The following OR6N1 variants were observed in gnomAD, a reference collection of about 807,000 sequenced individuals.
OR6N1 encodes the protein olfactory receptor family 6 subfamily N member 1.
For missense variants in OR6N1, 394 were observed against 371.7 expected, an observed-to-expected ratio of 1.06 and a Z score of -0.49; for synonymous variants, 170 against 150.7, an observed-to-expected ratio of 1.13 and a Z score of -0.94.
At chr1:158,789,435 T>C in the OR6N1 span, among the ~76,000 whole-genome samples, 1 of 152,210 alleles carries the variant, frequency 6.6e-6, no homozygotes, top group Non-Finnish European at 1.5e-5. Flanking sequence ...CCAAAGTGGC[T>C]GTACTAATTT....
chr1:158,834,231 AT>A, the OR6N1 span, among the ~76,000 whole-genome samples: 256 of 130,228 alleles, frequency 2.0e-3, no homozygotes, highest in African/African-American at 4.4e-3. Flanking sequence ...TCCTTTATCA[AT>A]TTTTTTTTTT....
At chr1:158,823,500 G>A in the OR6N1 span, among the ~76,000 whole-genome samples, 1 of 152,064 alleles carries the variant, frequency 6.6e-6, no homozygotes, top group East Asian at 1.9e-4. Context: ...TGTGCATAAG[G>A]CTGTTCATAG....
the OR6N1 span, among the ~76,000 whole-genome samples, chr1:158,806,847 T>G: frequency 6.6e-6 from 1 of 151,836 alleles, no homozygotes; most frequent in Non-Finnish European, 1.5e-5. Context: ...CTAGTTCAGG[T>G]CCTGCTTTCC....
chr1:158,790,516 T>G, the OR6N1 span, among the ~76,000 whole-genome samples: 1 of 151,434 alleles, frequency 6.6e-6, no homozygotes, highest in Non-Finnish European at 1.5e-5. Context: ...GCCATTCTCC[T>G]GCCTCAGCCT....
the OR6N1 span, among the ~76,000 whole-genome samples, chr1:158,792,242 A>G: frequency 1.3e-5 from 2 of 152,124 alleles, no homozygotes; most frequent in Admixed American, 6.5e-5. Context: ...TCCCTTTGCA[A>G]GAAATACTTT....
At chr1:158,836,620 A>G in the OR6N1 span, among the ~76,000 whole-genome samples, 2 of 151,520 alleles carry the variant, frequency 1.3e-5, no homozygotes, top group Admixed American at 6.6e-5. Context: ...TTTTTCTTCT[A>G]TGTCAATTCA....
At chr1:158,768,470 T>A (rs1008190661) in intron 1 of OR6N1, among the ~76,000 whole-genome samples, 4 of 152,188 alleles carry the variant, frequency 2.6e-5, no homozygotes, top group African/African-American at 4.8e-5. Flanking sequence ...ATCCAGGAAC[T>A]GACTATGTTT....
the OR6N1 span, among the ~76,000 whole-genome samples, chr1:158,830,196 C>T: frequency 6.6e-6 from 1 of 152,162 alleles, no homozygotes; most frequent in Non-Finnish European, 1.5e-5. Flanking sequence ...GATAAGGTTT[C>T]CTTGTGTTCC....
chr1:158,829,868 G>A, the OR6N1 span, among the ~76,000 whole-genome samples: 1 of 152,220 alleles, frequency 6.6e-6, no homozygotes, highest in Non-Finnish European at 1.5e-5. Flanking sequence ...GGAGGAGCAA[G>A]TCACATCTTA....
chr1:158,779,069 A>G, the OR6N1 span, among the ~76,000 whole-genome samples: 1 of 151,840 alleles, frequency 6.6e-6, no homozygotes, highest in Non-Finnish European at 1.5e-5. Flanking sequence ...TAGAGTGGCA[A>G]TAAACATGCA....
At chr1:158,826,141 A>C in the OR6N1 span, among the ~76,000 whole-genome samples, 1 of 151,530 alleles carries the variant, frequency 6.6e-6, no homozygotes, top group Non-Finnish European at 1.5e-5. Flanking sequence ...GAGAAAGGAG[A>C]ATATTAAAAA....
At chr1:158,795,894 T>C in the OR6N1 span, 7 of 152,300 alleles carry the variant, frequency 4.6e-5, no homozygotes, top group African/African-American at 7.2e-5. Flanking sequence ...CCTGTTAAGT[T>C]CCTGTGCTGC....
the OR6N1 span, among the ~76,000 whole-genome samples, chr1:158,791,322 A>T: frequency 4.4e-3 from 677 of 152,258 alleles, 2 homozygotes; most frequent in Non-Finnish European, 6.6e-3. Context: ...TATTTGAAAA[A>T]AATTAATTTT....
At chr1:158,811,946 G>A in the OR6N1 span, among the ~76,000 whole-genome samples, 12 of 152,296 alleles carry the variant, frequency 7.9e-5, no homozygotes, top group Non-Finnish European at 1.5e-4. Context: ...CTATCCAGGT[G>A]CTTGGGTAAT....
At chr1:158,791,927 G>A in the OR6N1 span, among the ~76,000 whole-genome samples, 1 of 152,210 alleles carries the variant, frequency 6.6e-6, no homozygotes, top group Admixed American at 6.5e-5. Flanking sequence ...CTACAGCACA[G>A]TTTAAGTCCA....
At chr1:158,820,618 G>A in the OR6N1 span, among the ~76,000 whole-genome samples, 1 of 152,146 alleles carries the variant, frequency 6.6e-6, no homozygotes, top group Non-Finnish European at 1.5e-5. Flanking sequence ...AAATCCATAA[G>A]TATATCATTC....
chr1:158,835,337 C>T, the OR6N1 span, among the ~76,000 whole-genome samples: 1 of 152,022 alleles, frequency 6.6e-6, no homozygotes, highest in Non-Finnish European at 1.5e-5. Flanking sequence ...TAAGTTTATT[C>T]CTAAGTATTT....
chr1:158,825,378 G>T, the OR6N1 span, among the ~76,000 whole-genome samples: 21 of 152,042 alleles, frequency 1.4e-4, no homozygotes, highest in Non-Finnish European at 2.4e-4. Flanking sequence ...GGCAGAGCTT[G>T]CAGTGAGCCA....
rs766815933 is a variant in OR6N1 at position 158,765,951 on chromosome 1, GT to G, written c.731del (p.His244ProfsTer19). On this transcript the variant is annotated frameshift_variant, in exon 2 of 2. Coordinates refer to ENST00000641846, the MANE Select transcript of OR6N1 (RefSeq NM_001005185.2). LOFTEE classifies it low-confidence loss of function (END_TRUNC). The stretch of plus-strand genomic sequence containing the variant: ...CATAGAAGATGAGAACCACAGTGAA[GT>G]GGGAGGCACACGTGGAGATGGCCTT... Reference protein sequence around the residue: ...KRKAISTCASHFTVVLIFYGS... With the variant: ...KRKAISTCASXFTVVLIFYGS... The G allele has an allele frequency of 1.5e-5, 25 of 1,614,038 alleles. No individual in the cohort carries two copies. The Admixed American group carries it at 4.2e-4, about 27-fold the overall frequency.
Sources: gnomAD v4.1 joint callset for allele counts (sites outside exome capture counted in the v4.1 genomes callset) on GRCh38, gnomAD v4.1.1 for gene constraint, MANE v1.5 for transcripts, NCBI Gene and HGNC (gene_info 2026-07-23, HGNC 2026-07-21) for gene names.